CHSY3: variants seen among roughly 807,000 people sequenced by gnomAD.
The protein encoded by CHSY3 is chondroitin sulfate synthase 3.
A neutral mutation model predicts 67.2 loss-of-function variants in CHSY3; 35 were observed. The observed-to-expected ratio is 0.52, with a 90% CI of 0.40 to 0.69. CHSY3 has a LOEUF of 0.69. CHSY3 is among the 30% of genes least tolerant of loss of function. The pLI is 0.00. For synonymous variants in CHSY3, 474 were observed against 434.7 expected (o/e 1.09, Z -1.12); for missense variants, 1,069 against 1,138.5 (o/e 0.94, Z 0.88).
chr5:130,159,892 C>T (rs907090379), intron 2 of CHSY3, among the ~76,000 whole-genome samples: 8 of 152,086 alleles, frequency 5.3e-5, no homozygotes, highest in Admixed American at 3.3e-4. Flanking sequence ...GAAGTGCATA[C>T]CTAATGTGAC....
intron 2 of CHSY3, among the ~76,000 whole-genome samples, chr5:130,027,717 C>T (rs960384450): frequency 9.9e-5 from 15 of 151,326 alleles, no homozygotes; most frequent in Admixed American, 4.0e-4. Context: ...TGAGAACATG[C>T]GGTGTTGCGT....
chr5:130,128,165 C>T (rs1002083705), intron 2 of CHSY3, among the ~76,000 whole-genome samples: 1 of 151,524 alleles, frequency 6.6e-6, no homozygotes, highest in Non-Finnish European at 1.5e-5. Context: ...TTCAAAAATT[C>T]TCTCAAGAGA....
intron 2 of CHSY3, among the ~76,000 whole-genome samples, chr5:130,101,101 G>A (rs959431067): frequency 1.3e-5 from 2 of 152,208 alleles, no homozygotes; most frequent in Non-Finnish European, 2.9e-5. Context: ...TGGAGTATCC[G>A]TGAAGAGCTG....
chr5:130,146,542 T>C (rs1360362095), intron 2 of CHSY3, among the ~76,000 whole-genome samples: 2 of 152,090 alleles, frequency 1.3e-5, no homozygotes, highest in African/African-American at 4.8e-5. Context: ...TATTATACAG[T>C]AGAGTTAACC....
At chr5:130,036,237 G>A (rs1764859340) in intron 2 of CHSY3, among the ~76,000 whole-genome samples, 1 of 152,070 alleles carries the variant, frequency 6.6e-6, no homozygotes, top group African/African-American at 2.4e-5. Context: ...AAAAAGGGTA[G>A]CAAAAGCTCT....
At chr5:130,083,906 T>TC (rs1481282906) in intron 2 of CHSY3, among the ~76,000 whole-genome samples, 1 of 151,976 alleles carries the variant, frequency 6.6e-6, no homozygotes, top group Non-Finnish European at 1.5e-5. Context: ...TTTCTTTTTT[T>TC]CCTCTTCTTC....
intron 2 of CHSY3, among the ~76,000 whole-genome samples, chr5:130,075,851 C>G (rs1170863976): frequency 6.6e-6 from 1 of 152,102 alleles, no homozygotes; most frequent in African/African-American, 2.4e-5. Flanking sequence ...ATCCCAGTAC[C>G]TCAAATTCAA....
intron 2 of CHSY3, among the ~76,000 whole-genome samples, chr5:130,035,886 GTT>G (rs1180462327): frequency 0.02 from 1,301 of 65,520 alleles, 16 homozygotes; most frequent in African/African-American, 0.071. Context: ...TCATTTGGTT[GTT>G]TTTTTTTTTT....
intron 2 of CHSY3, among the ~76,000 whole-genome samples, chr5:130,137,951 T>C (rs188505257): frequency 6.6e-6 from 1 of 152,318 alleles, no homozygotes; most frequent in African/African-American, 2.4e-5. Flanking sequence ...TTTTTGGTTT[T>C]TTAATGTGAA....
chr5:129,963,794 T>C (rs963202214), intron 2 of CHSY3, among the ~76,000 whole-genome samples: 1 of 149,050 alleles, frequency 6.7e-6, no homozygotes, highest in Non-Finnish European at 1.5e-5. Flanking sequence ...ATAATGTCAG[T>C]TTTTTTTTTC....
chr5:130,149,626 A>G (rs893592259), intron 2 of CHSY3, among the ~76,000 whole-genome samples: 2 of 152,314 alleles, frequency 1.3e-5, no homozygotes, highest in African/African-American at 2.4e-5. Flanking sequence ...GGCAGGGACA[A>G]ACATCCAAAC....
chr5:130,181,978 A>G (rs527708795), intron 2 of CHSY3, among the ~76,000 whole-genome samples: 51 of 128,604 alleles, frequency 4.0e-4, no homozygotes, highest in Non-Finnish European at 7.6e-4. Flanking sequence ...TATTCTATAT[A>G]TATTTAGGTG....
chr5:130,028,705 GTCTC>G (rs556295929), intron 2 of CHSY3, among the ~76,000 whole-genome samples: 107 of 152,026 alleles, frequency 7.0e-4, no homozygotes, highest in African/African-American at 2.5e-3. Flanking sequence ...CTCTGTCTCT[GTCTC>G]TCTCTTTCTT....
chr5:129,911,316 G>A (rs1033361911), intron 2 of CHSY3, among the ~76,000 whole-genome samples: 8 of 152,142 alleles, frequency 5.3e-5, no homozygotes, highest in Non-Finnish European at 1.0e-4. Context: ...AAAAGAGAAA[G>A]AGAGAGAAAG....
intron 2 of CHSY3, among the ~76,000 whole-genome samples, chr5:130,108,591 A>T (rs1237108222): frequency 6.6e-6 from 1 of 151,746 alleles, no homozygotes; most frequent in Non-Finnish European, 1.5e-5. Context: ...TTATATTATC[A>T]TAAAAGCACA....
At chr5:130,067,565 A>G (rs1490631841) in intron 2 of CHSY3, among the ~76,000 whole-genome samples, 2 of 152,114 alleles carry the variant, frequency 1.3e-5, no homozygotes, top group Non-Finnish European at 2.9e-5. Context: ...AAAGCAGTAA[A>G]GGTACCTGTG....
At chr5:130,182,939 TATTA>T (rs1431944409) in intron 2 of CHSY3, among the ~76,000 whole-genome samples, 2 of 152,010 alleles carry the variant, frequency 1.3e-5, no homozygotes, top group South Asian at 2.1e-4. Context: ...CTTATTTGTC[TATTA>T]ATTGAGTTTT....
intron 2 of CHSY3, among the ~76,000 whole-genome samples, chr5:129,972,121 C>G (rs973412649): frequency 1.3e-5 from 2 of 152,026 alleles, no homozygotes; most frequent in Non-Finnish European, 2.9e-5. Context: ...AGATAGGTAA[C>G]TTGAACAAAA....
At chr5:130,168,907 G>A (rs996420507) in intron 2 of CHSY3, among the ~76,000 whole-genome samples, 1 of 152,036 alleles carries the variant, frequency 6.6e-6, no homozygotes, top group Non-Finnish European at 1.5e-5. Context: ...TGAGGCCAAG[G>A]ACCATTTTTG....
Sources: gnomAD v4.1 joint callset for allele counts (sites outside exome capture counted in the v4.1 genomes callset) on GRCh38, gnomAD v4.1.1 for gene constraint, MANE v1.5 for transcripts, NCBI Gene and HGNC (gene_info 2026-07-23, HGNC 2026-07-21) for gene names.